The following PAG1 variants were observed in gnomAD, a reference collection of about 807,000 sequenced individuals.
PAG1 encodes the protein phosphoprotein associated with glycosphingolipid-enriched microdomains 1.
PAG1 carries 23 observed loss-of-function variants against 31.7 expected under a neutral mutation model. That is an observed-to-expected ratio of 0.73 (90% confidence interval 0.52 to 1.03). The LOEUF (loss-of-function observed/expected upper bound fraction) is 1.03. Among genes scored for constraint, PAG1 ranks in the 50% least tolerant of loss-of-function variants. The probability of loss-of-function intolerance (pLI) is 0.00; values close to 1 mark genes in which losing one functional copy is unlikely to be tolerated. For synonymous variants in PAG1, 214 were observed against 210.3 expected, an observed-to-expected ratio of 1.02 and a Z score of -0.15; for missense variants, 473 against 540.7, an observed-to-expected ratio of 0.87 and a Z score of 1.24.
intron 1 of PAG1, among the ~76,000 whole-genome samples, chr8:81,070,412 A>G (rs1444145295): frequency 6.6e-6 from 1 of 152,238 alleles, no homozygotes. Flanking sequence ...CCCTAATTTT[A>G]TACATGTAGA....
chr8:81,041,018 T>A lies in PAG1; in HGVS notation c.-174-10929A>T, dbSNP rs16908416. Among the ~76,000 whole-genome samples, 886 of 152,314 alleles carry A rather than the reference T, an allele frequency of 5.8e-3. 5 individuals carry two copies. The highest frequency in any genetic ancestry group is 0.02 in the African/African-American group (835 of 41,556). On this transcript the variant is annotated intron_variant, in intron 2 of 8. Transcript: ENST00000220597. ...TGCTCGCGAGGGTAACATGGCCGCA[T>A]CTTTGCATGGAAAACTGAAGCAGCA...
At chr8:81,075,714 A>G (rs1417106981) in intron 1 of PAG1, among the ~76,000 whole-genome samples, 2 of 152,154 alleles carry the variant, frequency 1.3e-5, no homozygotes, top group African/African-American at 4.8e-5. Flanking sequence ...ACCCAAGTGC[A>G]CCTGATTCCA....
intron 3 of PAG1, among the ~76,000 whole-genome samples, chr8:80,997,798 C>T (rs1206897811): frequency 2.0e-5 from 3 of 152,168 alleles, no homozygotes; most frequent in Non-Finnish European, 2.9e-5. Context: ...TCATTATTGG[C>T]TGCATTGATG....
rs1809234969 is a variant in PAG1 at position 81,079,750 on chromosome 8, CA to C, written c.-233-9581del. Reference sequence around the variant, plus strand: ...ATTATGCGTATCGCATGCCATGAAGCAAAATCAATTTATTTCATTTATTTAT... The same window carrying C: ...ATTATGCGTATCGCATGCCATGAAGCAAATCAATTTATTTCATTTATTTAT... On this transcript the variant is annotated intron_variant, in intron 1 of 8. Transcript: ENST00000220597. Among the ~76,000 whole-genome samples the C allele has an allele frequency of 1.3e-5, 2 of 151,984 alleles. 1 individual carries two copies. Among genetic ancestry groups the C allele is most frequent in the South Asian group, 4.1e-4 (2 of 4,828 alleles).
At chr8:81,013,443 GC>G (rs1259778852) in intron 3 of PAG1, among the ~76,000 whole-genome samples, 1 of 152,066 alleles carries the variant, frequency 6.6e-6, no homozygotes, top group Non-Finnish European at 1.5e-5. Flanking sequence ...ATTGTACCCT[GC>G]CCCTGGGGTC....
At chr8:80,993,488 T>A (rs1323829612) in intron 3 of PAG1, among the ~76,000 whole-genome samples, 181 bp from the exon 4 acceptor site, 2 of 152,168 alleles carry the variant, frequency 1.3e-5, no homozygotes, top group East Asian at 3.8e-4. Flanking sequence ...ATGGTCTAGG[T>A]CTTCATTTTT....
At chr8:80,986,402 T>C (rs919886248) in intron 6 of PAG1, among the ~76,000 whole-genome samples, 2 of 152,126 alleles carry the variant, frequency 1.3e-5, no homozygotes, top group Non-Finnish European at 2.9e-5. Context: ...CAGGACGCCC[T>C]CTTACCTCAG....
chr8:81,074,117 T>C (rs1003749427), intron 1 of PAG1, among the ~76,000 whole-genome samples: 2 of 152,022 alleles, frequency 1.3e-5, no homozygotes, highest in African/African-American at 4.8e-5. Context: ...GGGAGGTATT[T>C]GAGGTTTGAG....
chr8:80,974,562 C>T lies in PAG1; in HGVS notation c.*1982G>A, dbSNP rs891793431. The T allele has an allele frequency of 6.6e-6, 1 of 152,188 alleles. No homozygotes were observed. Among genetic ancestry groups the T allele is most frequent in the African/African-American group, 2.4e-5 (1 of 41,454 alleles). 9.4% of individuals were successfully genotyped at this position (152,188 alleles called of 1,614,324 possible). ...AAAATAATGACAACCAACCAGTTTA[C>T]CTCAACATAGCTCACTCTGCAATGT... On this transcript the variant is annotated 3_prime_UTR_variant, in exon 9 of 9. Transcript: ENST00000220597.
chr8:81,054,703 T>C (rs961275269), intron 2 of PAG1, among the ~76,000 whole-genome samples: 2 of 152,000 alleles, frequency 1.3e-5, no homozygotes, highest in Admixed American at 6.6e-5. Flanking sequence ...AGTATATTAA[T>C]ATTCCTATCA....
chr8:81,053,458 T>C (rs1394358321), intron 2 of PAG1, among the ~76,000 whole-genome samples: 2 of 152,352 alleles, frequency 1.3e-5, no homozygotes, highest in Non-Finnish European at 1.5e-5. Flanking sequence ...AGACAGACCA[T>C]AGTTATTTCT....
intron 3 of PAG1, among the ~76,000 whole-genome samples, chr8:81,019,912 G>T (rs950132515): frequency 6.6e-6 from 1 of 152,152 alleles, no homozygotes; most frequent in African/African-American, 2.4e-5. Flanking sequence ...GCCAGGAGTG[G>T]GGATGTACCC....
At chr8:81,082,622 A>G (rs541135691) in intron 1 of PAG1, among the ~76,000 whole-genome samples, 4 of 152,298 alleles carry the variant, frequency 2.6e-5, no homozygotes, top group Admixed American at 6.5e-5. Context: ...GTGTTGAGAC[A>G]AAATAATTTT....
chr8:81,048,707 A>G (rs895309984), intron 2 of PAG1, among the ~76,000 whole-genome samples: 2 of 152,196 alleles, frequency 1.3e-5, no homozygotes, highest in African/African-American at 4.8e-5. Flanking sequence ...GGTTGTCATT[A>G]TTATGATTTA....
At chr8:81,052,204 T>C (rs1808744942) in intron 2 of PAG1, among the ~76,000 whole-genome samples, 1 of 151,832 alleles carries the variant, frequency 6.6e-6, no homozygotes, top group African/African-American at 2.4e-5. Flanking sequence ...TTGAAGAAAG[T>C]AGTTTCCAAA....
intron 1 of PAG1, among the ~76,000 whole-genome samples, chr8:81,109,777 G>A (rs1484767731): frequency 1.3e-5 from 2 of 152,132 alleles, no homozygotes; most frequent in Non-Finnish European, 2.9e-5. Context: ...TACTACTACT[G>A]TCATCCCCAT....
chr8:81,057,905 T>C (rs868648573), intron 2 of PAG1, among the ~76,000 whole-genome samples: 32 of 152,324 alleles, frequency 2.1e-4, no homozygotes, highest in Non-Finnish European at 1.5e-4. Flanking sequence ...TTGGTAGCCA[T>C]TGTTTTACAT....
intron 2 of PAG1, among the ~76,000 whole-genome samples, chr8:81,033,147 C>G (rs1030185142): frequency 6.6e-6 from 1 of 151,986 alleles, no homozygotes. Flanking sequence ...AAATAAAGCT[C>G]TTATGAAAAA....
At chr8:81,085,583 A>G (rs1809337755) in intron 1 of PAG1, among the ~76,000 whole-genome samples, 1 of 152,176 alleles carries the variant, frequency 6.6e-6, no homozygotes, top group Non-Finnish European at 1.5e-5. Flanking sequence ...ACATTACCCT[A>G]CCTATGTCCA....
Sources: allele counts gnomAD v4.1 joint callset (sites outside exome capture counted in the v4.1 genomes callset), GRCh38; gene constraint gnomAD v4.1.1; transcripts MANE v1.5; gene names NCBI Gene and HGNC (gene_info 2026-07-23, HGNC 2026-07-21).